The following CEP112 variants were observed in gnomAD, a reference collection of about 807,000 sequenced individuals.
The protein encoded by CEP112 is centrosomal protein of 112 kDa.
CEP112 carries 127 observed loss-of-function variants against 153.0 expected under a neutral mutation model. The ratio of observed to expected loss-of-function variants is 0.83; its 90% confidence interval spans 0.72 to 0.96. The LOEUF is 0.96. CEP112 is among the 40% of genes least tolerant of loss of function. The pLI, the probability that CEP112 is intolerant of heterozygous loss-of-function variation, is 0.00. For synonymous variants in CEP112, 358 were observed against 374.4 expected (o/e 0.96, Z 0.51); for missense variants, 1,089 against 1,101.2 (o/e 0.99, Z 0.16).
At chr17:66,074,123 G>A (rs1230560004) in intron 8 of CEP112, among the ~76,000 whole-genome samples, 1 of 152,044 alleles carries the variant, frequency 6.6e-6, no homozygotes, top group Non-Finnish European at 1.5e-5. Flanking sequence ...ACGGATAAGG[G>A]ATCTCAGCAG....
At chr17:65,886,674 T>C (rs1282009094) in intron 20 of CEP112, among the ~76,000 whole-genome samples, 1 of 152,228 alleles carries the variant, frequency 6.6e-6, no homozygotes, top group Admixed American at 6.5e-5. Context: ...AATTCACATG[T>C]GGTAGTTAAA....
In CEP112 at chr17:65,944,965, C is replaced by T. The variant is rs577866898; in HGVS notation, c.1872+16498G>A. On this transcript the variant is annotated intron_variant, in intron 18 of 26. Transcript: ENST00000535342. Reference sequence around the variant, plus strand: ...AACATTTTATTGAAATATAATAAATCTAAAGAAAAGGGAACATGGATGATT... The same window carrying T: ...AACATTTTATTGAAATATAATAAATTTAAAGAAAAGGGAACATGGATGATT... 2.0e-5 allele frequency among the ~76,000 whole-genome samples: 3 copies of T among 152,204 alleles called. No homozygotes were observed. In the South Asian group the frequency reaches 6.2e-4, roughly 32 times the overall value.
At chr17:65,661,702 C>T (rs1183464859) in intron 24 of CEP112, 1 of 152,136 alleles carries the variant, frequency 6.6e-6, no homozygotes, top group Non-Finnish European at 1.5e-5. Flanking sequence ...ATTACATGGA[C>T]TGTTTTTGCC....
intron 23 of CEP112, among the ~76,000 whole-genome samples, chr17:65,698,739 C>T (rs2048477464): frequency 6.6e-6 from 1 of 152,106 alleles, no homozygotes; most frequent in Non-Finnish European, 1.5e-5. Context: ...AATCTAGGAT[C>T]AAATTCAAGA....
Position 65,770,104 on chromosome 17 carries a change from T to C in CEP112, c.2395-19380A>G, listed in dbSNP as rs1172389043. On this transcript the variant is annotated intron_variant, in intron 21 of 26. Transcript: ENST00000535342. ...TGGAATGGCTGAAAATTTTCCAAAA[T>C]GAAAAAAAAAACCTCTAAGACCACA... Among the ~76,000 whole-genome samples, 4 of 147,160 alleles carry C rather than the reference T, an allele frequency of 2.7e-5. No homozygotes were observed. The East Asian group carries it at 7.8e-4, about 29-fold the overall frequency.
intron 25 of CEP112, among the ~76,000 whole-genome samples, chr17:65,638,732 G>A (rs1199628735): frequency 1.3e-5 from 2 of 152,094 alleles, no homozygotes; most frequent in African/African-American, 2.4e-5. Context: ...TTTGCTCACT[G>A]TATGGCCTGT....
chr17:65,969,645 T>C (rs2062571368), intron 17 of CEP112, among the ~76,000 whole-genome samples: 1 of 152,222 alleles, frequency 6.6e-6, no homozygotes, highest in African/African-American at 2.4e-5. Context: ...ATTGCAAGCA[T>C]ATATGACATG....
intron 21 of CEP112, among the ~76,000 whole-genome samples, chr17:65,764,567 A>C (rs2052825261): frequency 6.7e-6 from 1 of 149,840 alleles, no homozygotes. Flanking sequence ...TCTATTTTAA[A>C]TCTAAATATG....
chr17:65,689,031 G>A, intron 24 of CEP112, 98 bp downstream of exon 24: 1 of 831,646 alleles, frequency 1.2e-6, no homozygotes, highest in East Asian at 2.6e-5. Flanking sequence ...GCCTCCCAAA[G>A]TGCTGAGATT....
At chr17:65,689,296 A>G in intron 23 of CEP112, 78 bp from the exon 24 acceptor site, 1 of 979,396 alleles carries the variant, frequency 1.0e-6, no homozygotes, top group South Asian at 1.4e-5. Flanking sequence ...AACTGGCACT[A>G]AAAAGGCCTC....
At chr17:65,886,972 T>TA (rs1000768245) in intron 20 of CEP112, among the ~76,000 whole-genome samples, 1 of 152,156 alleles carries the variant, frequency 6.6e-6, no homozygotes, top group Non-Finnish European at 1.5e-5. Context: ...GGGAGGGACT[T>TA]AGAGTATTTC....
intron 23 of CEP112, among the ~76,000 whole-genome samples, chr17:65,735,912 T>A (rs1419577996): frequency 6.6e-6 from 1 of 152,178 alleles, no homozygotes; most frequent in Non-Finnish European, 1.5e-5. Flanking sequence ...TCATAAAGTG[T>A]TTTGTATGCC....
chr17:65,710,741 C>G (rs972774521), intron 23 of CEP112, among the ~76,000 whole-genome samples: 1 of 152,170 alleles, frequency 6.6e-6, no homozygotes, highest in African/African-American at 2.4e-5. Context: ...CTGGATGTCA[C>G]AGTGGGAGGT....
chr17:66,158,123 T>A (rs1236932611), intron 4 of CEP112, among the ~76,000 whole-genome samples: 2 of 152,056 alleles, frequency 1.3e-5, no homozygotes, highest in East Asian at 1.9e-4. Flanking sequence ...TCTAAAATCG[T>A]CCACATAATT....
intron 6 of CEP112, among the ~76,000 whole-genome samples, chr17:66,108,492 TCAAA>T: frequency 1.3e-5 from 2 of 152,200 alleles, no homozygotes; most frequent in East Asian, 3.9e-4. Context: ...CATATAAATG[TCAAA>T]CAGACATATG....
At chr17:65,647,677 C>T (rs2045519791) in intron 24 of CEP112, among the ~76,000 whole-genome samples, 2 of 149,314 alleles carry the variant, frequency 1.3e-5, no homozygotes, top group African/African-American at 2.5e-5. Flanking sequence ...TGGATAGTTT[C>T]TCACTATGTT....
chr17:66,151,725 G>T (rs2071218768), intron 4 of CEP112, among the ~76,000 whole-genome samples: 1 of 152,072 alleles, frequency 6.6e-6, no homozygotes, highest in Admixed American at 6.5e-5. Context: ...CGCCCTCAGA[G>T]CAATACCCCA....
chr17:65,814,643 T>C (rs1262016234), intron 21 of CEP112, among the ~76,000 whole-genome samples: 1 of 152,140 alleles, frequency 6.6e-6, no homozygotes, highest in Admixed American at 6.6e-5. Flanking sequence ...TCCCCAAAGA[T>C]AGCACAGGAT....
intron 17 of CEP112, among the ~76,000 whole-genome samples, chr17:65,994,984 A>T (rs1415656429): frequency 6.6e-6 from 1 of 151,962 alleles, no homozygotes; most frequent in Admixed American, 6.5e-5. Flanking sequence ...CCTTCGGCAC[A>T]CTCATTACCC....
Sources: allele counts gnomAD v4.1 joint callset (sites outside exome capture counted in the v4.1 genomes callset), GRCh38; gene constraint gnomAD v4.1.1; transcripts MANE v1.5; gene names NCBI Gene and HGNC (gene_info 2026-07-23, HGNC 2026-07-21).